Variants in PDZRN4 observed in about 807,000 individuals in gnomAD.
PDZRN4 encodes the protein PDZ domain-containing RING finger protein 4.
Under a neutral mutation model 99.0 loss-of-function variants are expected in PDZRN4, and 70 were observed. The ratio of observed to expected loss-of-function variants is 0.71; its 90% CI spans 0.58 to 0.86. The LOEUF is 0.86. PDZRN4 is among the 40% of genes least tolerant of loss of function. The pLI is 0.00. For missense variants in PDZRN4, 1,474 were observed against 1,331.2 expected (o/e 1.11, Z -1.67); for synonymous variants, 551 against 501.6 (o/e 1.10, Z -1.32).
At chr12:41,339,425 A>G (rs1408397343) in intron 3 of PDZRN4, among the ~76,000 whole-genome samples, 3 of 152,084 alleles carry the variant, frequency 2.0e-5, no homozygotes, top group Non-Finnish European at 4.4e-5. Flanking sequence ...ATCAAATCAA[A>G]ATGAAGTAAA....
At chr12:41,232,727 A>T (rs1951036894) in intron 3 of PDZRN4, among the ~76,000 whole-genome samples, 1 of 152,078 alleles carries the variant, frequency 6.6e-6, no homozygotes, top group Admixed American at 6.6e-5. Context: ...TTGGTGTTTT[A>T]GACATGAAGT....
At position 41,553,770 on chromosome 12, in the gene PDZRN4, CAT is replaced by C. The variant is rs1426931740; in HGVS notation, c.1302+1019_1302+1020del. ...AAATTACATACTTATATGTGAAAAA[CAT>C]ATGTGTACATATGTTTATATATAAA... On this transcript the variant is annotated intron_variant, in intron 6 of 9. Transcript: ENST00000402685. Among the ~76,000 whole-genome samples, 7 of 152,084 alleles carry C rather than the reference CAT, an allele frequency of 4.6e-5. No homozygotes were observed. In the South Asian group the frequency reaches 1.0e-3, roughly 23 times the overall value.
chr12:41,529,254 G>A (rs906993515), intron 5 of PDZRN4, among the ~76,000 whole-genome samples: 1 of 151,818 alleles, frequency 6.6e-6, no homozygotes, highest in African/African-American at 2.4e-5. Context: ...TGAATTTCTG[G>A]ATTTCCAAGT....
chr12:41,250,808 G>C (rs1198968215), intron 3 of PDZRN4, among the ~76,000 whole-genome samples: 1 of 152,174 alleles, frequency 6.6e-6, no homozygotes, highest in Non-Finnish European at 1.5e-5. Flanking sequence ...TAAAGTTGTG[G>C]CTTTCTCAAA....
intron 3 of PDZRN4, among the ~76,000 whole-genome samples, chr12:41,445,802 TA>T (rs1310921801): frequency 6.6e-6 from 1 of 152,084 alleles, no homozygotes; most frequent in Non-Finnish European, 1.5e-5. Context: ...GTATTATTCT[TA>T]AAAAACTTCT....
chr12:41,419,605 G>T (rs952727855), intron 3 of PDZRN4, among the ~76,000 whole-genome samples: 1 of 152,124 alleles, frequency 6.6e-6, no homozygotes, highest in East Asian at 1.9e-4. Context: ...AACCCAACTA[G>T]TATTACAGAG....
At chr12:41,383,794 A>G (rs1952143430) in intron 3 of PDZRN4, among the ~76,000 whole-genome samples, 1 of 152,154 alleles carries the variant, frequency 6.6e-6, no homozygotes, top group Non-Finnish European at 1.5e-5. Context: ...AGACACCAGA[A>G]TGTTACTTTA....
At chr12:41,376,137 T>C (rs1312281391) in intron 3 of PDZRN4, among the ~76,000 whole-genome samples, 1 of 152,172 alleles carries the variant, frequency 6.6e-6, no homozygotes, top group African/African-American at 2.4e-5. Flanking sequence ...TGTGTATATC[T>C]CACAATTTTT....
In PDZRN4 at chr12:41,506,502, A is replaced by G. The variant is rs1938207538; in HGVS notation, c.890A>G (p.Glu297Gly). 1 of 1,613,714 alleles carries G rather than the reference A, an allele frequency of 6.2e-7. No homozygotes were observed. Among genetic ancestry groups the G allele is most frequent in the African/African-American group, 1.3e-5 (1 of 75,018 alleles). The change falls in exon 4 of 10, where the codon GAA becomes GGA. Residue 297 changes from glutamate (E) to glycine (G), a missense_variant. Transcript: ENST00000402685. ...LSKATHEEAV[E>G]AFRNAKEPIV... ...AAGGCCACTCATGAAGAGGCAGTGG[A>G]AGCTTTTCGCAATGCCAAGGAGCCC...
At chr12:41,266,775 A>C (rs1192618425) in intron 3 of PDZRN4, among the ~76,000 whole-genome samples, 1 of 152,218 alleles carries the variant, frequency 6.6e-6, no homozygotes, top group East Asian at 1.9e-4. Context: ...TTTGTTCTAA[A>C]ATAGTAAAAT....
At chr12:41,316,780 T>C (rs1490963269) in intron 3 of PDZRN4, among the ~76,000 whole-genome samples, 1 of 151,724 alleles carries the variant, frequency 6.6e-6, no homozygotes. Flanking sequence ...TTTGATAATA[T>C]CATTTTAAAT....
chr12:41,437,795 C>T, intron 3 of PDZRN4: 1 of 1,554,112 alleles, frequency 6.4e-7, no homozygotes, highest in Non-Finnish European at 8.6e-7. Context: ...CTGGCTTACG[C>T]TTCCAGCTAA....
Position 41,479,985 on chromosome 12 carries a change from T to C in PDZRN4, c.844-26471T>C, listed in dbSNP as rs539349904. On this transcript the variant is annotated intron_variant, in intron 3 of 9. Coordinates refer to ENST00000402685, the MANE Select transcript of PDZRN4 (RefSeq NM_001164595.2). ...TTAATGTAATTTTCATGAAACAAGA[T>C]GGTTCATGTCTTGTAAAGAGATGTA... Among the ~76,000 whole-genome samples the C allele has an allele frequency of 7.2e-5, 11 of 152,318 alleles. No homozygotes were observed. The East Asian group carries it at 1.5e-3, about 21-fold the overall frequency.
chr12:41,322,440 T>C (rs544079128), intron 3 of PDZRN4, among the ~76,000 whole-genome samples: 3 of 151,548 alleles, frequency 2.0e-5, no homozygotes, highest in Non-Finnish European at 4.4e-5. Context: ...ATGAGTGTAT[T>C]ATGGAATGTT....
chr12:41,553,504 C>A (rs1250258671), intron 6 of PDZRN4, among the ~76,000 whole-genome samples: 1 of 148,158 alleles, frequency 6.7e-6, no homozygotes, highest in Non-Finnish European at 1.5e-5. Context: ...TTGCCTATGG[C>A]CAGGAGTTTG....
chr12:41,246,357 T>C (rs1198902614), intron 3 of PDZRN4, among the ~76,000 whole-genome samples: 5 of 152,206 alleles, frequency 3.3e-5, no homozygotes, highest in Non-Finnish European at 4.4e-5. Flanking sequence ...TATTTCACTC[T>C]ATATTGAAAA....
At chr12:41,214,974 T>C (rs1292696926) in intron 3 of PDZRN4, among the ~76,000 whole-genome samples, 3 of 152,088 alleles carry the variant, frequency 2.0e-5, no homozygotes, top group African/African-American at 7.2e-5. Flanking sequence ...ATGATTCTCA[T>C]GAACTATAAA....
chr12:41,418,674 T>C (rs1202500813), intron 3 of PDZRN4, among the ~76,000 whole-genome samples: 1 of 152,214 alleles, frequency 6.6e-6, no homozygotes, highest in Non-Finnish European at 1.5e-5. Context: ...TCAGAGTTTG[T>C]TGTTATGTAA....
intron 3 of PDZRN4, among the ~76,000 whole-genome samples, chr12:41,374,227 A>G (rs544928960): frequency 6.6e-6 from 1 of 152,290 alleles, no homozygotes; most frequent in South Asian, 2.1e-4. Flanking sequence ...GTGAGAAATC[A>G]TGTTAGTACA....
Sources: allele counts gnomAD v4.1 joint callset (sites outside exome capture counted in the v4.1 genomes callset), GRCh38; gene constraint gnomAD v4.1.1; transcripts MANE v1.5; gene names NCBI Gene and HGNC (gene_info 2026-07-23, HGNC 2026-07-21).